Variants in PPL observed in about 807,000 individuals in gnomAD.
PPL encodes the protein periplakin.
PPL carries 198 observed loss-of-function variants against 194.4 expected under a neutral mutation model. The observed-to-expected ratio is 1.02, with a 90% CI of 0.91 to 1.15. The LOEUF (loss-of-function observed/expected upper bound fraction) is 1.15, where lower values mean the gene tolerates loss of function less well. Among genes scored for constraint, PPL ranks in the 50% most tolerant of loss-of-function variants. The pLI is 0.00. For missense variants in PPL, 2,885 were observed against 2,294.8 expected (o/e 1.26, Z -5.25); for synonymous variants, 1,220 against 972.4 (o/e 1.25, Z -4.74).
chr16:4,930,382 G>C (rs1030270692), intron 1 of PPL, among the ~76,000 whole-genome samples: 5 of 152,160 alleles, frequency 3.3e-5, no homozygotes, highest in African/African-American at 1.2e-4. Flanking sequence ...GCCTGCTCAG[G>C]CCTCGCACTC....
intron 2 of PPL, among the ~76,000 whole-genome samples, chr16:4,906,141 G>A (rs944379605): frequency 6.6e-6 from 1 of 152,106 alleles, no homozygotes; most frequent in Non-Finnish European, 1.5e-5. Flanking sequence ...ATGGAACCAG[G>A]CATCCCCCAA....
At chr16:4,908,793 G>C (rs941159485) in intron 2 of PPL, among the ~76,000 whole-genome samples, 1 of 152,196 alleles carries the variant, frequency 6.6e-6, no homozygotes. Flanking sequence ...TGCCTGCCTA[G>C]GCCTCCCAAA....
Position 4,884,934 on chromosome 16 carries a change from C to G in PPL, c.3721G>C (p.Asp1241His). 1 of 1,614,170 alleles carries G rather than the reference C, an allele frequency of 6.2e-7. No homozygotes were observed. The highest frequency in any genetic ancestry group is 8.5e-7 in the Non-Finnish European group (1 of 1,180,024). The change falls in exon 22 of 22, where the codon GAC (aspartate) becomes CAC (histidine). Residue 1241 changes from aspartate to histidine, a missense_variant. Asp to His is a moderately conservative substitution (Grantham distance 81). Transcript: ENST00000345988. The surrounding 1 kb of genome is among the most constrained non-coding windows in gnomAD (Gnocchi z 5.7). ...VTKEVIKYKT[D>H]PEMEKELQRL... Reference sequence around the variant, plus strand: ...TGAAGCTCCTTCTCCATCTCAGGGTCAGTCTTGTACTTAATGACTTCCTTA... The same window carrying G: ...TGAAGCTCCTTCTCCATCTCAGGGTGAGTCTTGTACTTAATGACTTCCTTA...
At chr16:4,927,649 G>A (rs1051533080) in intron 1 of PPL, among the ~76,000 whole-genome samples, 3 of 152,250 alleles carry the variant, frequency 2.0e-5, no homozygotes, top group African/African-American at 4.8e-5. Context: ...AAACTCCTGT[G>A]CTAATTAGAC....
Position 4,890,317 on chromosome 16 carries a change from C to T in PPL, c.2180G>A (p.Ser727Asn). The T allele has an allele frequency of 6.2e-7, 1 of 1,613,586 alleles. No homozygotes were observed. The highest frequency in any genetic ancestry group is 8.5e-7 in the Non-Finnish European group (1 of 1,179,836). The change falls in exon 18 of 22, where the codon AGC becomes AAC. Residue 727 changes from serine (S) to asparagine (N), a missense_variant. Coordinates refer to ENST00000345988, the MANE Select transcript of PPL (RefSeq NM_002705.5). ...QVERRAQSLQ[S>N]AKAAYEHFHR... ...GAAGTGCTCGTAGGCTGCCTTGGCG[C>T]TCTGTAGGCTCTGCGCCCTGTCAAG...
rs200847749 is a variant in PPL, at chr16:4,903,942, C to T, written c.261G>A (p.Ala87=). The change falls in exon 3 of 22, where the codon GCG becomes GCA. Residue 87 remains alanine (A), a synonymous_variant. Coordinates refer to ENST00000345988, the MANE Select transcript of PPL (RefSeq NM_002705.5). ...DSEKLLYVLE[A]DAAIAKHMKH... is the part of the protein sequence containing the mutation. ...TCATGTGCTTGGCAATGGCCGCATCCGCCTCTAGCACATAGAGCAGCTTCT... is the reference window on the plus strand; with the variant it reads ...TCATGTGCTTGGCAATGGCCGCATCTGCCTCTAGCACATAGAGCAGCTTCT... The T allele has an allele frequency of 3.8e-5, 62 of 1,614,088 alleles. No individual in the cohort carries two copies. The East Asian group carries it at 5.8e-4, about 15-fold the overall frequency.
Position 4,902,707 on chromosome 16 carries a change from T to C in PPL, c.318-181A>G, listed in dbSNP as rs1334897988. 7.4e-6 allele frequency among the ~76,000 whole-genome samples: 1 copy of C among 134,808 alleles called. No homozygotes were observed. Among genetic ancestry groups the C allele is most frequent in the Non-Finnish European group, 1.6e-5 (1 of 61,026 alleles). The allele number at this position is 134,808 out of a possible 152,430, so 88.4% of individuals were successfully genotyped here. On this transcript the variant is annotated intron_variant, in intron 3 of 21. Transcript: ENST00000345988. The surrounding 1 kb of genome is among the most constrained non-coding windows in gnomAD (Gnocchi z 4.0). ...CTCCCATGCACTTTTTTTTTTTTTTTGAGACAGAGTCTTGCTCTGTCACCC... is the reference window on the plus strand; with the variant it reads ...CTCCCATGCACTTTTTTTTTTTTTTCGAGACAGAGTCTTGCTCTGTCACCC...
intron 15 of PPL, 36 bp downstream of exon 15, chr16:4,891,999 C>T (rs1046426319): frequency 1.9e-5 from 30 of 1,610,816 alleles, no homozygotes; most frequent in Non-Finnish European, 2.4e-5. Flanking sequence ...CCCCCTGACC[C>T]CACCCCAACC....
intron 1 of PPL, among the ~76,000 whole-genome samples, chr16:4,919,231 T>C (rs949936362): frequency 6.6e-5 from 10 of 152,120 alleles, no homozygotes; most frequent in Non-Finnish European, 1.3e-4. Flanking sequence ...CACCTGCTCA[T>C]TACCCAGATG....
Position 4,885,102 on chromosome 16 carries a change from C to G in PPL, c.3553G>C (p.Glu1185Gln). The G allele has an allele frequency of 1.9e-6, 3 of 1,613,894 alleles. No individual in the cohort carries two copies. The highest frequency in any genetic ancestry group is 1.1e-5 in the South Asian group (1 of 91,084). The part of the protein sequence containing the change: ...REIVRPDPKA[E>Q]SEVANLRLEL... Reference sequence around the variant, plus strand: ...AGGCGGAGGTTCGCCACTTCACTTTCCGCCTTGGGGTCTGGCCGCACGATC... The same window carrying G: ...AGGCGGAGGTTCGCCACTTCACTTTGCGCCTTGGGGTCTGGCCGCACGATC... Residue 1185 changes from glutamate to glutamine, a missense_variant, in exon 22 of 22, where the codon GAA becomes CAA. Physicochemically the swap from Glu to Gln is conservative, Grantham distance 29 (BLOSUM62 2). Coordinates refer to ENST00000345988, the MANE Select transcript of PPL (RefSeq NM_002705.5). This position sits in a 1 kb window ranked among gnomAD's most constrained non-coding sequence, Gnocchi z 6.3.
chr16:4,888,895 C>T (rs763124738), intron 19 of PPL, 83 bp downstream of exon 19: 42 of 1,358,856 alleles, frequency 3.1e-5, no homozygotes, highest in Non-Finnish European at 3.6e-5. Flanking sequence ...GTGCCAGGGC[C>T]GGTGCTTGCT....
At position 4,902,941 on chromosome 16, in the gene PPL, G is replaced by A. The variant is rs976140466; in HGVS notation, c.318-415C>T. On this transcript the variant is annotated intron_variant, in intron 3 of 21. Transcript: ENST00000345988. The surrounding 1 kb of genome is among the most constrained non-coding windows in gnomAD (Gnocchi z 4.0). ...TGACCTCAGGTGATCCGTCCGCTTCGGCCTCCCGAAGTGCTGGGATCACAG... is the reference window on the plus strand; with the variant it reads ...TGACCTCAGGTGATCCGTCCGCTTCAGCCTCCCGAAGTGCTGGGATCACAG... Among the ~76,000 whole-genome samples, 2 of 152,124 alleles carry A rather than the reference G, an allele frequency of 1.3e-5. No individual in the cohort carries two copies. The highest frequency in any genetic ancestry group is 2.4e-5 in the African/African-American group (1 of 41,428).
chr16:4,926,871 T>A (rs1596588586), intron 1 of PPL, among the ~76,000 whole-genome samples: 1 of 97,798 alleles, frequency 1.0e-5, no homozygotes, highest in Admixed American at 1.4e-4. Flanking sequence ...AGAGCAAGAC[T>A]CTGTCTCAAA....
Position 4,884,437 on chromosome 16 carries a change from T to TAGCTCCTCC in PPL, c.4209_4217dup (p.Glu1405_Glu1407dup). The TAGCTCCTCC allele has an allele frequency of 6.2e-7, 1 of 1,602,872 alleles. No homozygotes were observed. The highest frequency in any genetic ancestry group is 8.5e-7 in the Non-Finnish European group (1 of 1,177,214). ...CCCTGCGGGCCTGCCGCTCGCGCTC[T>TAGCTCCTCC]AGCTCCTCCAGCTGCCGCTCAAGCT... On this transcript the variant is annotated inframe_insertion, in exon 22 of 22. Transcript: ENST00000345988. The surrounding 1 kb of genome is among the most constrained non-coding windows in gnomAD (Gnocchi z 5.7).
intron 1 of PPL, among the ~76,000 whole-genome samples, chr16:4,926,056 C>A (rs17137436): frequency 6.6e-6 from 1 of 152,166 alleles, no homozygotes; most frequent in African/African-American, 2.4e-5. Context: ...ACCTTTCAGG[C>A]GGAAGCAACT....
chr16:4,899,157 G>C (rs373221709), intron 7 of PPL, 37 bp from the exon 8 acceptor site: 8 of 1,613,468 alleles, frequency 5.0e-6, no homozygotes, highest in Non-Finnish European at 6.8e-6. Context: ...TCAGTGCCCA[G>C]CCTGGCGGTC....
chr16:4,928,230 T>C (rs1278517979), intron 1 of PPL, among the ~76,000 whole-genome samples: 1 of 152,226 alleles, frequency 6.6e-6, no homozygotes, highest in African/African-American at 2.4e-5. Flanking sequence ...AGCCTTCAAC[T>C]CTTGGGCTCA....
intron 1 of PPL, among the ~76,000 whole-genome samples, chr16:4,924,590 T>A (rs1317783449): frequency 2.0e-5 from 3 of 152,194 alleles, no homozygotes; most frequent in Non-Finnish European, 4.4e-5. Context: ...ACTGATTAGA[T>A]GTCTGCCCCA....
In PPL at chr16:4,901,035, C is replaced by G. The variant is rs200297897; in HGVS notation, c.493G>C (p.Val165Leu). The G allele has an allele frequency of 2.7e-4, 433 of 1,614,100 alleles. No individual in the cohort carries two copies. Among genetic ancestry groups the G allele is most frequent in the Non-Finnish European group, 3.6e-4 (419 of 1,180,054 alleles). The change falls in exon 5 of 22, where the codon GTG becomes CTG. Residue 165 changes from valine to leucine, a missense_variant. By Grantham distance (32) the Val-to-Leu change is conservative (BLOSUM62 1). Coordinates refer to ENST00000345988, the MANE Select transcript of PPL (RefSeq NM_002705.5). Reference protein sequence around the residue: ...GTDLPLVDHQVEEHNIFHNEV... With the variant: ...GTDLPLVDHQLEEHNIFHNEV... ...TTGTGGAAGATGTTATGCTCCTCCA[C>G]TTGGTGGTCCACCAGCGGCAGGTCA...
Sources: allele counts gnomAD v4.1 joint callset (sites outside exome capture counted in the v4.1 genomes callset), GRCh38; gene constraint gnomAD v4.1.1; non-coding constraint Gnocchi (gnomAD v3.1); transcripts MANE v1.5; gene names NCBI Gene and HGNC (gene_info 2026-07-23, HGNC 2026-07-21).